Variants in PCDHA13 observed in about 807,000 individuals in gnomAD.
PCDHA13 encodes the protein protocadherin alpha 13.
PCDHA13 carries 54 observed loss-of-function variants against 64.8 expected under a neutral mutation model. That is an observed-to-expected ratio of 0.83 (90% confidence interval 0.67 to 1.04). PCDHA13 has a LOEUF of 1.04. Among genes scored for constraint, PCDHA13 ranks in the 50% least tolerant of loss-of-function variants. The pLI, the probability that PCDHA13 is intolerant of heterozygous loss-of-function variation, is 0.00. For synonymous variants in PCDHA13, 587 were observed against 564.4 expected, an observed-to-expected ratio of 1.04 and a Z score of -0.57; for missense variants, 1,248 against 1,254.3, an observed-to-expected ratio of 0.99 and a Z score of 0.08.
intron 1 of PCDHA13, chr5:140,927,139 C>T: frequency 6.2e-7 from 1 of 1,614,046 alleles, no homozygotes; most frequent in Non-Finnish European, 8.5e-7. Context: ...GCCGGCGGAC[C>T]GCGAACAGCT....
At chr5:140,941,255 C>CTTTT (rs782490896) in intron 1 of PCDHA13, among the ~76,000 whole-genome samples, 1 of 44,504 alleles carries the variant, frequency 2.2e-5, no homozygotes, top group Non-Finnish European at 5.1e-5. Flanking sequence ...TTCTTTCTTT[C>CTTTT]TCTTTCTTTC....
chr5:141,001,387 C>T (rs1282982040), intron 3 of PCDHA13, among the ~76,000 whole-genome samples: 3 of 152,188 alleles, frequency 2.0e-5, no homozygotes, highest in African/African-American at 7.2e-5. Context: ...GCCTAAGATC[C>T]TACAGAGAAC....
chr5:140,942,540 G>C lies in PCDHA13; in HGVS notation c.2395-36409G>C, dbSNP rs1013086382. Among the ~76,000 whole-genome samples the C allele has an allele frequency of 8.5e-5, 13 of 152,164 alleles. No homozygotes were observed. In the South Asian group the frequency reaches 1.5e-3, roughly 17 times the overall value. ...GGGGAAGCAACTAACTCAGTATGGT[G>C]GGGGGTAGGGGGTTGAGGCAGAAAA... On this transcript the variant is annotated intron_variant, in intron 1 of 3. Transcript: ENST00000289272.
rs1210767626 is a variant in PCDHA13 at position 141,010,197 on chromosome 5, C to G, written c.*260C>G. 83 of 1,552,082 alleles carry G rather than the reference C, an allele frequency of 5.3e-5. No homozygotes were observed. Among genetic ancestry groups the G allele is most frequent in the Non-Finnish European group, 6.6e-5 (76 of 1,147,118 alleles). On this transcript the variant is annotated 3_prime_UTR_variant, in exon 4 of 4. Coordinates refer to ENST00000289272, the MANE Select transcript of PCDHA13 (RefSeq NM_018904.3). ...AAAAGCAGACCCAAGTTTCCTTTCT[C>G]CTCCGCCGCAAAGGAGAGGCTTCCC...
At chr5:140,926,888 G>A in intron 1 of PCDHA13, 1 of 1,544,494 alleles carries the variant, frequency 6.5e-7, no homozygotes, top group Non-Finnish European at 8.7e-7. Flanking sequence ...ACGCCTAGAG[G>A]GAGGATGGTG....
At chr5:140,888,234 G>A (rs1554183382) in intron 1 of PCDHA13, among the ~76,000 whole-genome samples, 2 of 152,250 alleles carry the variant, frequency 1.3e-5, no homozygotes, top group East Asian at 1.9e-4. Flanking sequence ...ATGTGTGTGC[G>A]TGTTCCTTTA....
intron 3 of PCDHA13, among the ~76,000 whole-genome samples, chr5:140,993,154 A>T (rs2097543247): frequency 6.6e-6 from 1 of 152,220 alleles, no homozygotes; most frequent in Admixed American, 6.5e-5. Flanking sequence ...AATGGATTCT[A>T]AATATTTGCC....
chr5:140,975,201 A>G (rs1253516142), intron 1 of PCDHA13, among the ~76,000 whole-genome samples: 1 of 152,144 alleles, frequency 6.6e-6, no homozygotes, highest in Non-Finnish European at 1.5e-5. Context: ...CTCCATCTTC[A>G]TGGCTGGCAC....
At chr5:140,910,105 T>C (rs1021391817) in intron 1 of PCDHA13, among the ~76,000 whole-genome samples, 11 of 152,202 alleles carry the variant, frequency 7.2e-5, no homozygotes, top group African/African-American at 2.7e-4. Flanking sequence ...CCCCTTCATT[T>C]AAGGGATTCT....
intron 3 of PCDHA13, 51 bp downstream of exon 3, chr5:140,982,614 G>T (rs1283279622): frequency 6.3e-7 from 1 of 1,596,658 alleles, no homozygotes; most frequent in Non-Finnish European, 8.5e-7. Flanking sequence ...AAAGTGATCA[G>T]ATGACCTACT....
At chr5:140,937,302 G>T (rs1554211521) in intron 1 of PCDHA13, among the ~76,000 whole-genome samples, 4 of 152,094 alleles carry the variant, frequency 2.6e-5, no homozygotes, top group African/African-American at 9.7e-5. Flanking sequence ...CTCCCAAAGT[G>T]CTGGGATTAC....
Position 141,010,331 on chromosome 5 carries a change from T to C in PCDHA13, c.*394T>C. 6.5e-7 allele frequency: 1 copy of C among 1,537,904 alleles called. No homozygotes were observed. Among genetic ancestry groups the C allele is most frequent in the Non-Finnish European group, 8.8e-7 (1 of 1,142,160 alleles). On this transcript the variant is annotated 3_prime_UTR_variant, in exon 4 of 4. Transcript: ENST00000289272. The stretch of plus-strand genomic sequence containing the variant: ...TTTTGAGATTGAGCAGCTTGGGAGT[T>C]TGTGGCCACTGGGTATGTGTGGCTA...
chr5:140,902,421 A>G (rs1187358402), intron 1 of PCDHA13, among the ~76,000 whole-genome samples: 4 of 152,076 alleles, frequency 2.6e-5, no homozygotes, highest in Non-Finnish European at 5.9e-5. Context: ...AACAGTGGTG[A>G]AAGTGGGCAT....
intron 1 of PCDHA13, chr5:140,928,913 G>T (rs782438428): frequency 2.5e-6 from 4 of 1,614,132 alleles, no homozygotes; most frequent in Non-Finnish European, 2.5e-6. Flanking sequence ...TGGGAACCAG[G>T]AGGGCAGCTT....
chr5:140,980,058 A>C (rs1554241393), intron 2 of PCDHA13, among the ~76,000 whole-genome samples: 1 of 152,254 alleles, frequency 6.6e-6, no homozygotes, highest in Non-Finnish European at 1.5e-5. Context: ...ATTCAGAAGC[A>C]ATCAGTGAAG....
chr5:141,008,837 C>G (rs1460664317), intron 3 of PCDHA13, among the ~76,000 whole-genome samples: 1 of 152,178 alleles, frequency 6.6e-6, no homozygotes, highest in Non-Finnish European at 1.5e-5. Flanking sequence ...CATCCTCTTA[C>G]GCTGTGTATT....
chr5:140,908,492 T>G (rs1241563422), intron 1 of PCDHA13, among the ~76,000 whole-genome samples: 3 of 152,226 alleles, frequency 2.0e-5, no homozygotes, highest in African/African-American at 7.2e-5. Context: ...CAGTTCAGGT[T>G]GCTTGGTGAC....
intron 1 of PCDHA13, among the ~76,000 whole-genome samples, chr5:140,931,584 AAC>A (rs1355868674): frequency 1.3e-5 from 2 of 152,054 alleles, no homozygotes; most frequent in Admixed American, 1.3e-4. Flanking sequence ...CATTCAGTTG[AAC>A]AGTCTTTTTC....
chr5:140,998,855 C>T (rs544471391), intron 3 of PCDHA13, among the ~76,000 whole-genome samples: 63 of 152,320 alleles, frequency 4.1e-4, no homozygotes, highest in Admixed American at 2.1e-3. Context: ...GAGCCACATG[C>T]CTGGCCTTGT....
Sources: allele counts gnomAD v4.1 joint callset (sites outside exome capture counted in the v4.1 genomes callset), GRCh38; gene constraint gnomAD v4.1.1; transcripts MANE v1.5; gene names NCBI Gene and HGNC (gene_info 2026-07-23, HGNC 2026-07-21).